RNF130: variants seen among roughly 807,000 people sequenced by gnomAD.
The protein encoded by RNF130 is E3 ubiquitin-protein ligase RNF130.
A neutral mutation model predicts 44.6 loss-of-function variants in RNF130; 21 were observed. The observed-to-expected ratio is 0.47, with a 90% CI of 0.33 to 0.68. RNF130 has a LOEUF of 0.68. RNF130 is among the 30% of genes least tolerant of loss of function. The probability of loss-of-function intolerance (pLI) is 0.02; values close to 1 mark genes in which losing one functional copy is unlikely to be tolerated. For synonymous variants in RNF130, 214 were observed against 210.4 expected (o/e 1.02, Z -0.15); for missense variants, 479 against 560.6 (o/e 0.85, Z 1.47).
At chr5:180,032,601 C>A (rs896503001) in intron 2 of RNF130, among the ~76,000 whole-genome samples, 2 of 152,118 alleles carry the variant, frequency 1.3e-5, no homozygotes, top group Non-Finnish European at 2.9e-5. Flanking sequence ...ACTGTCCTTC[C>A]CTCACTGAAT....
At chr5:180,036,013 T>C (rs1057004122) in intron 2 of RNF130, among the ~76,000 whole-genome samples, 1 of 152,212 alleles carries the variant, frequency 6.6e-6, no homozygotes, top group Non-Finnish European at 1.5e-5. Flanking sequence ...ATCCATTATC[T>C]GGGAACACTT....
intron 7 of RNF130, among the ~76,000 whole-genome samples, chr5:179,938,965 C>T (rs377054454): frequency 6.6e-6 from 1 of 152,106 alleles, no homozygotes; most frequent in Non-Finnish European, 1.5e-5. Context: ...CAGCAGCTCA[C>T]GCCTATAATG....
chr5:180,013,547 GTGTTAA>G (rs1272432446), intron 2 of RNF130, among the ~76,000 whole-genome samples: 1 of 152,178 alleles, frequency 6.6e-6, no homozygotes, highest in Non-Finnish European at 1.5e-5. Flanking sequence ...AACGACTGCA[GTGTTAA>G]GAACCATATT....
chr5:180,045,620 T>G (rs976400045), intron 1 of RNF130, among the ~76,000 whole-genome samples: 1 of 152,190 alleles, frequency 6.6e-6, no homozygotes, highest in Non-Finnish European at 1.5e-5. Context: ...TACAGAGAGC[T>G]GATTGGCCCA....
intron 7 of RNF130, among the ~76,000 whole-genome samples, chr5:179,942,322 A>G (rs1219947330): frequency 6.6e-6 from 1 of 151,928 alleles, no homozygotes; most frequent in East Asian, 1.9e-4. Context: ...TTGAGGACTG[A>G]TTCAATATAC....
intron 7 of RNF130, among the ~76,000 whole-genome samples, chr5:179,941,261 T>C (rs965622940): frequency 1.3e-5 from 2 of 152,232 alleles, no homozygotes; most frequent in Non-Finnish European, 2.9e-5. Context: ...CAGAGATAAT[T>C]TGACGTTGCT....
intron 3 of RNF130, among the ~76,000 whole-genome samples, chr5:180,006,506 G>A (rs1763465676): frequency 6.6e-6 from 1 of 152,084 alleles, no homozygotes; most frequent in Admixed American, 6.6e-5. Flanking sequence ...TAAAGTCAAA[G>A]AATATTATAT....
chr5:180,002,349 G>A (rs1763363005), intron 3 of RNF130, among the ~76,000 whole-genome samples: 2 of 152,246 alleles, frequency 1.3e-5, no homozygotes, highest in African/African-American at 4.8e-5. Context: ...TCAGCCTGGA[G>A]ATGTGGGGCC....
intron 2 of RNF130, among the ~76,000 whole-genome samples, chr5:180,028,095 T>C (rs80095176): frequency 6.6e-6 from 1 of 152,348 alleles, no homozygotes; most frequent in East Asian, 1.9e-4. Context: ...AAATTACTTT[T>C]GTTTTGCTTT....
chr5:179,963,126 C>A (rs904742444), intron 8 of RNF130, among the ~76,000 whole-genome samples: 1 of 152,240 alleles, frequency 6.6e-6, no homozygotes, highest in Non-Finnish European at 1.5e-5. Flanking sequence ...GCAAAGTGGG[C>A]TCTTCCCATC....
chr5:179,938,623 C>A (rs1481559509), intron 7 of RNF130, among the ~76,000 whole-genome samples: 2 of 152,168 alleles, frequency 1.3e-5, no homozygotes, highest in East Asian at 3.8e-4. Context: ...ACCAGCTTTA[C>A]ATTTTAAAAC....
In RNF130 at chr5:179,925,263, G is replaced by A. The variant is rs983007731; in HGVS notation, c.1151-4837C>T. ...TCCAGGGAGCGGAGAGGGGCTGAAA[G>A]TTAAGTTGATCGCCCATGGCCAACA... is the stretch of plus-strand genomic sequence containing the variant. On this transcript the variant is annotated intron_variant, in intron 7 of 7. Transcript: ENST00000522208. Among the ~76,000 whole-genome samples, 6 of 145,824 alleles carry A rather than the reference G, an allele frequency of 4.1e-5. No individual in the cohort carries two copies. The Admixed American group carries it at 4.4e-4, about 11-fold the overall frequency.
intron 1 of RNF130, among the ~76,000 whole-genome samples, chr5:180,045,583 C>T (rs1002383651): frequency 1.3e-5 from 2 of 152,182 alleles, no homozygotes; most frequent in Non-Finnish European, 1.5e-5. Flanking sequence ...CTTATCTGAC[C>T]CCACCCACAT....
At chr5:180,032,031 AC>A (rs1764141403) in intron 2 of RNF130, among the ~76,000 whole-genome samples, 1 of 151,980 alleles carries the variant, frequency 6.6e-6, no homozygotes, top group Non-Finnish European at 1.5e-5. Flanking sequence ...TAATTATTAA[AC>A]CTTTTGCCCG....
At chr5:180,000,552 A>G (rs943320488) in intron 3 of RNF130, among the ~76,000 whole-genome samples, 1 of 152,092 alleles carries the variant, frequency 6.6e-6, no homozygotes, top group Non-Finnish European at 1.5e-5. Context: ...ATGTTCCATA[A>G]GTTTTGTAGG....
chr5:180,059,794 G>A (rs149252293), intron 1 of RNF130, among the ~76,000 whole-genome samples: 9 of 152,296 alleles, frequency 5.9e-5, no homozygotes, highest in African/African-American at 2.2e-4. Context: ...CTGTAATGGT[G>A]GGGTGCCAGC....
At position 179,977,783 on chromosome 5, in the gene RNF130, C is replaced by T. The variant is rs546841545; in HGVS notation, c.848+420G>A. Among the ~76,000 whole-genome samples, 11 of 152,244 alleles carry T rather than the reference C, an allele frequency of 7.2e-5. No individual in the cohort carries two copies. The East Asian group carries it at 1.5e-3, about 21-fold the overall frequency. On this transcript the variant is annotated intron_variant, in intron 5 of 8. Coordinates refer to ENST00000521389, the MANE Select transcript of RNF130 (RefSeq NM_018434.6). This position sits in a 1 kb window ranked among gnomAD's most constrained non-coding sequence, Gnocchi z 4.1. Reference sequence around the variant, plus strand: ...AGGAGAATGGCATGAACCCAGGAGGCGGAGCTTGCAGTGAGCCGAGATTGC... The same window carrying T: ...AGGAGAATGGCATGAACCCAGGAGGTGGAGCTTGCAGTGAGCCGAGATTGC...
intron 2 of RNF130, among the ~76,000 whole-genome samples, chr5:180,029,590 A>G (rs528765355): frequency 6.6e-6 from 1 of 152,374 alleles, no homozygotes; most frequent in South Asian, 2.1e-4. Context: ...TAAAAGCAAT[A>G]TTATATTGCA....
intron 7 of RNF130, among the ~76,000 whole-genome samples, chr5:179,937,904 CTGTGTGTGTGTG>C (rs757837790): frequency 8.4e-6 from 1 of 119,372 alleles, no homozygotes; most frequent in African/African-American, 3.6e-5. Context: ...TTCAATGAAT[CTGTGTGTGTGTG>C]TGTGTGTGTG....
Sources: gnomAD v4.1 joint callset for allele counts (sites outside exome capture counted in the v4.1 genomes callset) on GRCh38, gnomAD v4.1.1 for gene constraint, Gnocchi (gnomAD v3.1) non-coding constraint, MANE v1.5 for transcripts, NCBI Gene and HGNC (gene_info 2026-07-23, HGNC 2026-07-21) for gene names.